The following MUC5B variants were observed in gnomAD, a reference collection of about 807,000 sequenced individuals.
MUC5B encodes the protein mucin 5B, oligomeric mucus/gel-forming.
A neutral mutation model predicts 376.9 loss-of-function variants in MUC5B; 116 were observed. That is an observed-to-expected ratio of 0.31 (90% CI 0.26 to 0.36). MUC5B has a LOEUF of 0.36. MUC5B is among the 10% of genes least tolerant of loss of function. The pLI is 1.00. For missense variants in MUC5B, 7,165 were observed against 7,769.9 expected (o/e 0.92, Z 2.93); for synonymous variants, 3,517 against 3,390.9 (o/e 1.04, Z -1.29).
In MUC5B at chr11:1,234,039, C is replaced by T. The variant is rs1184950469; in HGVS notation, c.2378-166C>T. Among the ~76,000 whole-genome samples, 1 of 152,190 alleles carries T rather than the reference C, an allele frequency of 6.6e-6. No individual in the cohort carries two copies. The highest frequency in any genetic ancestry group is 2.4e-5 in the African/African-American group (1 of 41,446). ...CGGAGGGGCCAGTGGGTCTCTGCCC[C>T]GCAGTGTGGCCGGGGTGTCCTGGGG... On this transcript the variant is annotated intron_variant, in intron 19 of 48. Transcript: ENST00000529681. This position sits in a 1 kb window ranked among gnomAD's most constrained non-coding sequence, Gnocchi z 6.3.
chr11:1,246,187 A>T lies in MUC5B; in HGVS notation c.9307A>T (p.Thr3103Ser). 6.2e-7 allele frequency: 1 copy of T among 1,608,736 alleles called. No individual in the cohort carries two copies. Among genetic ancestry groups the T allele is most frequent in the Admixed American group, 1.7e-5 (1 of 59,518 alleles). Residue 3103 changes from threonine to serine, a missense_variant, in exon 31 of 49, where the codon ACC (threonine) becomes TCC (serine). By Grantham distance (58) the Thr-to-Ser change is moderately conservative. This residue lies in a region of MUC5B where 939 missense variants were observed against 770.6 expected (regional missense o/e 1.22). Transcript: ENST00000529681. Reference sequence around the variant, plus strand: ...CCACCCCTCCTCCACTCCGGAGACCACCCACACCTCCACAGTGCTGACCAC... The same window carrying T: ...CCACCCCTCCTCCACTCCGGAGACCTCCCACACCTCCACAGTGCTGACCAC... ...TIHPSSTPET[T>S]HTSTVLTTKA...
chr11:1,235,269 C>T (rs1440857952), intron 22 of MUC5B, 34 bp from the exon 23 acceptor site: 1 of 1,610,830 alleles, frequency 6.2e-7, no homozygotes, highest in Non-Finnish European at 8.5e-7. Flanking sequence ...CACACTCCAG[C>T]CCGCGGCCAG....
At position 1,232,173 on chromosome 11, in the gene MUC5B, C is replaced by T. The variant is rs1333861667; in HGVS notation, c.1843+13C>T. 3.2e-6 allele frequency: 5 copies of T among 1,574,236 alleles called. No homozygotes were observed. Among genetic ancestry groups the T allele is most frequent in the African/African-American group, 1.3e-5 (1 of 74,316 alleles). On this transcript the variant is annotated intron_variant, in intron 15 of 48. Coordinates refer to ENST00000529681, the MANE Select transcript of MUC5B (RefSeq NM_002458.3). Reference sequence around the variant, plus strand: ...AGTGTGGAGAATGGTACTCCTCGCCCCCACCCCCACAGTCACCCCAGGCTC... The same window carrying T: ...AGTGTGGAGAATGGTACTCCTCGCCTCCACCCCCACAGTCACCCCAGGCTC...
At chr11:1,226,146 G>C in intron 2 of MUC5B, 59 bp from the exon 3 acceptor site, 1 of 1,488,652 alleles carries the variant, frequency 6.7e-7, no homozygotes, top group Non-Finnish European at 9.1e-7. Flanking sequence ...GCCCCGGGGA[G>C]GGTGTCTCTG....
At chr11:1,260,188 T>C (rs940058739) in intron 46 of MUC5B, 103 bp downstream of exon 46, 7 of 1,385,324 alleles carry the variant, frequency 5.1e-6, no homozygotes, top group Non-Finnish European at 5.9e-6. Context: ...CCACCCCTGC[T>C]GGGGAGGCCC....
intron 7 of MUC5B, 80 bp from the exon 8 acceptor site, chr11:1,228,484 C>A: frequency 7.4e-7 from 1 of 1,346,058 alleles, no homozygotes; most frequent in Non-Finnish European, 9.9e-7. Context: ...CCGGCCTGGC[C>A]TGCCATGGGT....
rs781765336 is a variant in MUC5B, at chr11:1,250,619, C to A, written c.13739C>A (p.Thr4580Asn). 1 of 1,612,750 alleles carries A rather than the reference C, an allele frequency of 6.2e-7. No homozygotes were observed. Among genetic ancestry groups the A allele is most frequent in the East Asian group, 2.2e-5 (1 of 44,856 alleles). ...ACCGGGGCCACCGGCTCTGTGGCCA[C>A]CCCCTCCTCCACCCCAGGAACAGCT... ...TTTGATGSVA[T>N]PSSTPGTAHT... The change falls in exon 31 of 49, where the codon ACC becomes AAC. Residue 4580 changes from threonine (T) to asparagine (N), a missense_variant. Physicochemically the swap from Thr to Asn is moderately conservative, Grantham distance 65. This residue lies in a region of MUC5B where 730 missense variants were observed against 592.7 expected (regional missense o/e 1.23). Coordinates refer to ENST00000529681, the MANE Select transcript of MUC5B (RefSeq NM_002458.3).
chr11:1,246,617 G>A lies in MUC5B; in HGVS notation c.9737G>A (p.Gly3246Asp). Residue 3246 changes from glycine (G) to aspartate (D), a missense_variant, in exon 31 of 49, where the codon GGC becomes GAC. Physicochemically the swap from Gly to Asp is moderately conservative, Grantham distance 94. This residue lies in a region of MUC5B where 939 missense variants were observed against 770.6 expected (regional missense o/e 1.22). Transcript: ENST00000529681. ...SVTAIPSSSL[G>D]TAWTRLSQTT... ...ACAGCCATCCCCTCTTCCTCCCTGG[G>A]CACCGCCTGGACCCGCCTATCACAG... is the stretch of plus-strand genomic sequence containing the variant. 11 of 1,612,250 alleles carry A rather than the reference G, an allele frequency of 6.8e-6. No individual in the cohort carries two copies. The highest frequency in any genetic ancestry group is 9.3e-6 in the Non-Finnish European group (11 of 1,179,328).
Position 1,252,889 on chromosome 11 carries a change from G to T in MUC5B, c.15126G>T (p.Lys5042Asn). Residue 5042 changes from lysine (K) to asparagine (N), a missense_variant, in exon 33 of 49, where the codon AAG (lysine) becomes AAT (asparagine). Lys to Asn is a moderately conservative substitution (Grantham distance 94). This residue lies in a region of MUC5B where 842 missense variants were observed against 1,016.9 expected (regional missense o/e 0.83). Transcript: ENST00000529681. Reference protein sequence around the residue: ...GDNRVVLLDPKPVANVTCVNK... With the variant: ...GDNRVVLLDPNPVANVTCVNK... ...ACCGTGTCGTCCTGCTGGACCCAAA[G>T]CCTGTGGCCAACGTCACCTGCGTGA... is the stretch of plus-strand genomic sequence containing the variant. 1.2e-6 allele frequency: 2 copies of T among 1,612,684 alleles called. No homozygotes were observed. Among genetic ancestry groups the T allele is most frequent in the South Asian group, 1.1e-5 (1 of 91,066 alleles).
Position 1,242,503 on chromosome 11 carries a change from C to G in MUC5B, c.5623C>G (p.Arg1875Gly). The G allele has an allele frequency of 6.2e-7, 1 of 1,613,750 alleles. No homozygotes were observed. Among genetic ancestry groups the G allele is most frequent in the Non-Finnish European group, 8.5e-7 (1 of 1,179,800 alleles). ...CAACATGTGCTTCAACTACAACGTGCGTGTGCTTTGCTGTGACGACTACAG... is the reference window on the plus strand; with the variant it reads ...CAACATGTGCTTCAACTACAACGTGGGTGTGCTTTGCTGTGACGACTACAG... ...RFNMCFNYNVRVLCCDDYSHC... is the reference protein window; with the variant it reads ...RFNMCFNYNVGVLCCDDYSHC... Residue 1875 changes from arginine to glycine, a missense_variant, in exon 31 of 49, where the codon CGT becomes GGT. Around this residue, in one of 31 missense-constraint regions of MUC5B, gnomAD observed 897 missense variants for 779.6 expected, o/e 1.15. Coordinates refer to ENST00000529681, the MANE Select transcript of MUC5B (RefSeq NM_002458.3).
intron 45 of MUC5B, 41 bp downstream of exon 45, chr11:1,259,883 C>G (rs772591521): frequency 1.2e-6 from 2 of 1,611,752 alleles, no homozygotes; most frequent in African/African-American, 2.7e-5. Flanking sequence ...CAGCTCCCTC[C>G]CTGGAGACCC....
In MUC5B at chr11:1,227,676, C is replaced by T. The variant is rs377531490; in HGVS notation, c.669C>T (p.Asn223=). The T allele has an allele frequency of 1.6e-4, 115 of 719,680 alleles. No individual in the cohort carries two copies. Among genetic ancestry groups the T allele is most frequent in the Admixed American group, 3.2e-4 (16 of 50,260 alleles). The allele number at this position is 719,680 out of a possible 1,614,324, so 44.6% of individuals were successfully genotyped here. ...LPAFNEFYAH[N]ARLTPLQFGN... is the part of the protein sequence containing the mutation. ...ACACCCCTGCTTTCTTCCCGGCAGA[C>T]GCCAGGCTGACCCCGCTCCAGTTTG... The change falls in exon 7 of 49, where the codon AAC becomes AAT. Residue 223 remains asparagine, a splice_region_variant and synonymous_variant. Coordinates refer to ENST00000529681, the MANE Select transcript of MUC5B (RefSeq NM_002458.3).
chr11:1,223,328 A>G, intron 1 of MUC5B, 135 bp downstream of exon 1: 1 of 690,584 alleles, frequency 1.4e-6, no homozygotes, highest in Non-Finnish European at 2.7e-6. Flanking sequence ...CCTGGATGGG[A>G]CCCTACCCGT....
Position 1,240,890 on chromosome 11 carries a change from T to C in MUC5B, c.4010T>C (p.Val1337Ala). Residue 1337 changes from valine to alanine, a missense_variant, in exon 31 of 49, where the codon GTC (valine) becomes GCC (alanine). Physicochemically the swap from Val to Ala is moderately conservative, Grantham distance 64. This residue lies in a region of MUC5B where 517 missense variants were observed against 545.3 expected (regional missense o/e 0.95). Transcript: ENST00000529681. ...GTCTCCACCGTGTGTGTCCGCGAGG[T>C]CTGCCGCTGGTCCAGCTGGTACAAT... ...LPVSTVCVREVCRWSSWYNGH... is the reference protein window; with the variant it reads ...LPVSTVCVREACRWSSWYNGH... The C allele has an allele frequency of 6.2e-7, 1 of 1,612,130 alleles. No homozygotes were observed. The highest frequency in any genetic ancestry group is 1.3e-5 in the African/African-American group (1 of 74,992).
At position 1,251,706 on chromosome 11, in the gene MUC5B, CTGCTTCTGCAGGGCATT is replaced by C; in HGVS notation, c.14829_14845del (p.Cys4943TrpfsTer13). On this transcript the variant is annotated frameshift_variant, in exon 31 of 49. Transcript: ENST00000529681. LOFTEE classifies it high-confidence loss of function. ...TCCCCAGCTCCCACTTCTCTACTCC[CTGCTTCTGCAGGGCATT>C]TGGACAGTTTTTCTCGCCCGGTGAG... is the stretch of plus-strand genomic sequence containing the variant. 6.2e-7 allele frequency: 1 copy of C among 1,610,694 alleles called. No homozygotes were observed. The highest frequency in any genetic ancestry group is 8.5e-7 in the Non-Finnish European group (1 of 1,178,336).
chr11:1,235,307 A>C lies in MUC5B; in HGVS notation c.2774A>C (p.Tyr925Ser). 6.2e-7 allele frequency: 1 copy of C among 1,612,802 alleles called. No homozygotes were observed. The highest frequency in any genetic ancestry group is 8.5e-7 in the Non-Finnish European group (1 of 1,179,658). The change falls in exon 23 of 49, where the codon TAC (tyrosine) becomes TCC (serine). Residue 925 changes from tyrosine (Y) to serine (S), a missense_variant. Tyr to Ser is a moderately radical substitution (Grantham distance 144). This residue lies in a region of MUC5B where 530 missense variants were observed against 604.0 expected (regional missense o/e 0.88). Coordinates refer to ENST00000529681, the MANE Select transcript of MUC5B (RefSeq NM_002458.3). Reference protein sequence around the residue: ...GSCEYILAQDYCGDNTTHGTF... With the variant: ...GSCEYILAQDSCGDNTTHGTF... Reference sequence around the variant, plus strand: ...GCTTGTCTCTTTCTGGCCCAGGACTACTGTGGGGACAACACCACCCACGGG... The same window carrying C: ...GCTTGTCTCTTTCTGGCCCAGGACTCCTGTGGGGACAACACCACCCACGGG...
chr11:1,241,554 C>T lies in MUC5B; in HGVS notation c.4674C>T (p.Thr1558=), dbSNP rs933924603. 5 of 1,612,462 alleles carry T rather than the reference C, an allele frequency of 3.1e-6. No homozygotes were observed. In the African/African-American group the frequency reaches 5.3e-5, roughly 17 times the overall value. ...AGGCCGAGAGCTTCCCCAACTGGAC[C>T]CTGGCACAGGTGGGGCAGAAGGTGC... ...ECQAESFPNW[T]LAQVGQKVHC... is the part of the protein sequence containing the mutation. Residue 1558 remains threonine (T), a synonymous_variant, in exon 31 of 49, where the codon ACC becomes ACT. Coordinates refer to ENST00000529681, the MANE Select transcript of MUC5B (RefSeq NM_002458.3).
At position 1,240,984 on chromosome 11, in the gene MUC5B, G is replaced by A. The variant is rs757887907; in HGVS notation, c.4104G>A (p.Gly1368=). The A allele has an allele frequency of 6.2e-7, 1 of 1,613,412 alleles. No individual in the cohort carries two copies. The highest frequency in any genetic ancestry group is 1.1e-5 in the South Asian group (1 of 91,086). Residue 1368 remains glycine (G), a synonymous_variant, in exon 31 of 49, where the codon GGG becomes GGA. Transcript: ENST00000529681. ...CGTTTGAAAACCTGAGGCAGAGAGG[G>A]TACCAGGTATGCCCTGTGCTGGCTG... ...FETFENLRQR[G]YQVCPVLADI... is the part of the protein sequence containing the mutation.
rs767561409 is a variant in MUC5B at position 1,248,321 on chromosome 11, C to T, written c.11441C>T (p.Thr3814Ile). Residue 3814 changes from threonine (T) to isoleucine (I), a missense_variant, in exon 31 of 49, where the codon ACA becomes ATA. Thr to Ile is a moderately conservative substitution (Grantham distance 89). This residue lies in a region of MUC5B where 72 missense variants were observed against 127.8 expected (regional missense o/e 0.56). Coordinates refer to ENST00000529681, the MANE Select transcript of MUC5B (RefSeq NM_002458.3). ...TGGACCCGCCTATCACAGACCACCA[C>T]ACCCACGGCCACCATGTCCACAGCC... Reference protein sequence around the residue: ...TTWTRLSQTTTPTATMSTATP... With the variant: ...TTWTRLSQTTIPTATMSTATP... 4 of 1,611,722 alleles carry T rather than the reference C, an allele frequency of 2.5e-6. No individual in the cohort carries two copies. The East Asian group carries it at 8.9e-5, about 36-fold the overall frequency.
Sources: allele counts gnomAD v4.1 joint callset (sites outside exome capture counted in the v4.1 genomes callset), GRCh38; gene constraint gnomAD v4.1.1; regional missense constraint gnomAD v4.1.1; non-coding constraint Gnocchi (gnomAD v3.1); transcripts MANE v1.5; gene names NCBI Gene and HGNC (gene_info 2026-07-23, HGNC 2026-07-21).